Variants in LINGO2 observed in about 807,000 individuals in gnomAD.
LINGO2 encodes leucine-rich repeat and immunoglobulin-like domain-containing nogo receptor-interacting protein 2.
Under a neutral mutation model 30.6 loss-of-function variants are expected in LINGO2, and 14 were observed. The ratio of observed to expected loss-of-function variants is 0.46; its 90% CI spans 0.30 to 0.72. The LOEUF (loss-of-function observed/expected upper bound fraction) is 0.72, where lower values mean the gene tolerates loss of function less well. Ranked by LOEUF, LINGO2 falls within the 30% of genes least tolerant of loss-of-function variation. The pLI is 0.07. For synonymous variants in LINGO2, 317 were observed against 288.5 expected (o/e 1.10, Z -1.00); for missense variants, 729 against 751.7 (o/e 0.97, Z 0.35).
At chr9:28,633,680 C>A (rs1331008121) in intron 1 of LINGO2, among the ~76,000 whole-genome samples, 1 of 152,068 alleles carries the variant, frequency 6.6e-6, no homozygotes, top group Non-Finnish European at 1.5e-5. Context: ...GGACTGAGAC[C>A]TTCACATGGA....
the LINGO2 span, among the ~76,000 whole-genome samples, chr9:28,859,341 C>G: frequency 6.6e-6 from 1 of 151,916 alleles, no homozygotes. Context: ...TAAGTATACC[C>G]ACATGAAAAT....
At chr9:28,290,834 ATCAGAAGGGTCAATTTC>A (rs1204012512) in intron 4 of LINGO2, among the ~76,000 whole-genome samples, 1 of 152,114 alleles carries the variant, frequency 6.6e-6, no homozygotes, top group Non-Finnish European at 1.5e-5. Flanking sequence ...AAGCTTTAAG[ATCAGAAGGGTCAATTTC>A]TATGTGTATC....
chr9:28,761,815 G>A, the LINGO2 span, among the ~76,000 whole-genome samples: 1 of 151,922 alleles, frequency 6.6e-6, no homozygotes, highest in Non-Finnish European at 1.5e-5. Context: ...TGAACTCTGT[G>A]TGACAAATGG....
At chr9:28,866,903 A>G in the LINGO2 span, among the ~76,000 whole-genome samples, 1 of 152,162 alleles carries the variant, frequency 6.6e-6, no homozygotes, top group Non-Finnish European at 1.5e-5. Flanking sequence ...ATAAACAGAA[A>G]TTTATTCTGT....
intron 4 of LINGO2, among the ~76,000 whole-genome samples, chr9:28,168,396 G>A (rs993717681): frequency 2.0e-5 from 3 of 152,106 alleles, no homozygotes; most frequent in African/African-American, 7.2e-5. Flanking sequence ...GGCTTCTTCA[G>A]GAAAAATAAT....
chr9:28,942,504 C>T, the LINGO2 span, among the ~76,000 whole-genome samples: 2 of 152,170 alleles, frequency 1.3e-5, no homozygotes, highest in Non-Finnish European at 2.9e-5. Context: ...GTGTGAATCT[C>T]TGTCCCTTCT....
intron 4 of LINGO2, among the ~76,000 whole-genome samples, chr9:28,252,423 T>C (rs941174902): frequency 6.6e-6 from 1 of 152,004 alleles, no homozygotes; most frequent in Non-Finnish European, 1.5e-5. Context: ...GACGGGGTTT[T>C]GCCATGTTGG....
intron 4 of LINGO2, among the ~76,000 whole-genome samples, chr9:28,224,179 C>T (rs1018987728): frequency 6.6e-6 from 1 of 152,190 alleles, no homozygotes; most frequent in African/African-American, 2.4e-5. Context: ...ATTCTCCTGC[C>T]TCAGCCTCCC....
chr9:28,257,284 A>G (rs1429358133), intron 4 of LINGO2, among the ~76,000 whole-genome samples: 1 of 151,892 alleles, frequency 6.6e-6, no homozygotes, highest in African/African-American at 2.4e-5. Context: ...ATGTTTAAAG[A>G]GATGTTTTTT....
chr9:28,547,242 TC>T (rs1821997727), intron 1 of LINGO2, among the ~76,000 whole-genome samples: 1 of 152,152 alleles, frequency 6.6e-6, no homozygotes, highest in African/African-American at 2.4e-5. Context: ...CAGGCATACA[TC>T]TTTTTCTATA....
At chr9:28,774,156 C>G in the LINGO2 span, among the ~76,000 whole-genome samples, 3 of 151,818 alleles carry the variant, frequency 2.0e-5, no homozygotes, top group African/African-American at 7.3e-5. Context: ...TGAGCTTTCT[C>G]TTTTGATTTT....
At chr9:28,420,263 T>C (rs1823137215) in intron 2 of LINGO2, among the ~76,000 whole-genome samples, 3 of 152,120 alleles carry the variant, frequency 2.0e-5, no homozygotes, top group Admixed American at 2.0e-4. Context: ...CCTTCAGGCA[T>C]AAGCACTAAG....
At chr9:29,179,111 T>A in the LINGO2 span, among the ~76,000 whole-genome samples, 1 of 148,204 alleles carries the variant, frequency 6.7e-6, no homozygotes, top group Admixed American at 6.8e-5. Context: ...GATGCTGGTC[T>A]TTACTTACTA....
chr9:28,788,268 T>A, the LINGO2 span, among the ~76,000 whole-genome samples: 1 of 152,226 alleles, frequency 6.6e-6, no homozygotes, highest in Non-Finnish European at 1.5e-5. Flanking sequence ...CTAAAGTCTA[T>A]GACTACACTA....
chr9:29,098,729 A>T, the LINGO2 span, among the ~76,000 whole-genome samples: 1 of 152,128 alleles, frequency 6.6e-6, no homozygotes, highest in African/African-American at 2.4e-5. Context: ...ATATTTGGGG[A>T]AATAAGAAGC....
intron 2 of LINGO2, among the ~76,000 whole-genome samples, chr9:28,446,721 C>T (rs1487467836): frequency 6.6e-6 from 1 of 152,212 alleles, no homozygotes; most frequent in African/African-American, 2.4e-5. Context: ...CCATTCCCTA[C>T]AGAGCAGCCA....
intron 5 of LINGO2, among the ~76,000 whole-genome samples, chr9:27,961,605 G>C: frequency 6.6e-6 from 1 of 152,174 alleles, no homozygotes; most frequent in East Asian, 1.9e-4. Flanking sequence ...GGAGAGCAAT[G>C]GCAAGCCATT....
intron 4 of LINGO2, among the ~76,000 whole-genome samples, chr9:28,067,048 T>A (rs1478350851): frequency 6.6e-6 from 1 of 152,130 alleles, no homozygotes; most frequent in African/African-American, 2.4e-5. Context: ...GCTTAATAAG[T>A]AATATCTGCA....
the LINGO2 span, among the ~76,000 whole-genome samples, chr9:29,169,504 C>T: frequency 3.3e-5 from 5 of 151,468 alleles, no homozygotes. Context: ...GGCATACGAG[C>T]GGCCAACAAA....
Sources: gnomAD v4.1 joint callset for allele counts (sites outside exome capture counted in the v4.1 genomes callset) on GRCh38, gnomAD v4.1.1 for gene constraint, MANE v1.5 for transcripts, NCBI Gene and HGNC (gene_info 2026-07-23, HGNC 2026-07-21) for gene names.